The following TACC1 variants were observed in gnomAD, a reference collection of about 807,000 sequenced individuals.
TACC1 encodes transforming acidic coiled-coil-containing protein 1.
A neutral mutation model predicts 84.4 loss-of-function variants in TACC1; 48 were observed. The observed-to-expected ratio is 0.57, with a 90% CI of 0.45 to 0.72. The LOEUF is 0.72. TACC1 is among the 30% of genes least tolerant of loss of function. The probability of loss-of-function intolerance (pLI) is 0.00; values close to 1 mark genes in which losing one functional copy is unlikely to be tolerated. For synonymous variants in TACC1, 372 were observed against 376.3 expected (o/e 0.99, Z 0.13); for missense variants, 920 against 973.0 (o/e 0.95, Z 0.72).
intron 3 of TACC1, among the ~76,000 whole-genome samples, chr8:38,822,628 CTT>C (rs936631124): frequency 5.3e-5 from 8 of 152,254 alleles, no homozygotes; most frequent in Admixed American, 2.0e-4. Flanking sequence ...TGTAATAAAA[CTT>C]AGCTTAAAAC....
intron 2 of TACC1, among the ~76,000 whole-genome samples, chr8:38,796,291 T>C (rs1819956666): frequency 6.6e-6 from 1 of 152,226 alleles, no homozygotes; most frequent in Non-Finnish European, 1.5e-5. Context: ...GATCCAGAGC[T>C]CTTTGGAACA....
chr8:38,827,603 T>G, intron 5 of TACC1: 1 of 570,780 alleles, frequency 1.8e-6, no homozygotes, highest in Admixed American at 3.1e-5. Context: ...GAGATGCTGA[T>G]GTATGTGAGA....
At chr8:38,792,599 A>G (rs1437350311) in intron 2 of TACC1, among the ~76,000 whole-genome samples, 1 of 152,014 alleles carries the variant, frequency 6.6e-6, no homozygotes, top group South Asian at 2.1e-4. Context: ...CCAAGTAGCT[A>G]GGACCACAGG....
At chr8:38,828,236 C>T (rs975549125) in intron 5 of TACC1, among the ~76,000 whole-genome samples, 1 of 151,968 alleles carries the variant, frequency 6.6e-6, no homozygotes, top group Non-Finnish European at 1.5e-5. Context: ...AAGGTGTTAC[C>T]CTTTTCTCAC....
At chr8:38,748,217 A>AAG (rs1179387611) in intron 3 of TACC1, among the ~76,000 whole-genome samples, 1 of 152,158 alleles carries the variant, frequency 6.6e-6, no homozygotes, top group African/African-American at 2.4e-5. Flanking sequence ...ATAAAAGATA[A>AAG]AGAAGGGCAC....
intron 2 of TACC1, among the ~76,000 whole-genome samples, chr8:38,801,123 A>T (rs546340411): frequency 1.3e-5 from 2 of 152,282 alleles, no homozygotes; most frequent in African/African-American, 4.8e-5. Context: ...TCACTAAGTT[A>T]TATATTCTAG....
upstream of TACC1, among the ~76,000 whole-genome samples, chr8:38,784,977 T>G (rs1256557899): frequency 1.3e-5 from 2 of 152,198 alleles, no homozygotes; most frequent in Admixed American, 1.3e-4. Context: ...AATGCTGTCT[T>G]TCACTTTCAG....
chr8:38,742,355 A>T (rs1446480085), exon 2 of TACC1: 2 of 1,411,776 alleles, frequency 1.4e-6, no homozygotes, highest in Non-Finnish European at 1.9e-6. Flanking sequence ...TTCCAGTCCC[A>T]AGGGTTCCAA....
At chr8:38,784,155 A>C (rs1326918057), upstream of TACC1, among the ~76,000 whole-genome samples, 1 of 152,248 alleles carries the variant, frequency 6.6e-6, no homozygotes, top group Non-Finnish European at 1.5e-5. Flanking sequence ...GACTAGGAGC[A>C]GCAGACTGAG....
At position 38,835,527 on chromosome 8, in the gene TACC1, T is replaced by C. The variant is rs554514778; in HGVS notation, c.1714-635T>C. On this transcript the variant is annotated intron_variant, in intron 6 of 12. Transcript: ENST00000317827. ...TTGACTTATGTATGGCCATTTTGCA[T>C]ATGGGCAACAATGGCACACACCCAG... is the stretch of plus-strand genomic sequence containing the variant. 2.0e-5 allele frequency among the ~76,000 whole-genome samples: 3 copies of C among 152,294 alleles called. No individual in the cohort carries two copies. The South Asian group carries it at 6.2e-4, about 32-fold the overall frequency.
chr8:38,755,035 C>T (rs1046540940), intron 3 of TACC1, among the ~76,000 whole-genome samples: 3 of 152,028 alleles, frequency 2.0e-5, no homozygotes, highest in Non-Finnish European at 4.4e-5. Context: ...TGGTGCGCGC[C>T]TGTAGTCACA....
chr8:38,742,797 T>A (rs1162512053), intron 2 of TACC1, among the ~76,000 whole-genome samples: 2 of 152,138 alleles, frequency 1.3e-5, no homozygotes, highest in Non-Finnish European at 2.9e-5. Flanking sequence ...TCACTGCAAC[T>A]TTCGTCTCCC....
At chr8:38,838,904 T>A (rs982907593) in intron 8 of TACC1, among the ~76,000 whole-genome samples, 1 of 149,064 alleles carries the variant, frequency 6.7e-6, no homozygotes, top group African/African-American at 2.4e-5. Context: ...TAATACTACT[T>A]TTTTTTTTTT....
In TACC1 at chr8:38,796,463, A is replaced by C. The variant is rs1362860883; in HGVS notation, c.277+7644A>C. The stretch of plus-strand genomic sequence containing the variant: ...CTTAAGTATCCTGTCATGTGATAGT[A>C]GTTTAAAAAATCAAAAAATACATCT... On this transcript the variant is annotated intron_variant, in intron 2 of 12. Coordinates refer to ENST00000317827, the MANE Select transcript of TACC1 (RefSeq NM_006283.3). 4.6e-5 allele frequency among the ~76,000 whole-genome samples: 7 copies of C among 152,248 alleles called. 1 individual carries two copies. The highest frequency in any genetic ancestry group is 4.6e-4 in the Admixed American group (7 of 15,292).
chr8:38,733,842 G>A (rs1285994933), intron 1 of TACC1, among the ~76,000 whole-genome samples: 2 of 152,096 alleles, frequency 1.3e-5, no homozygotes, highest in Non-Finnish European at 2.9e-5. Flanking sequence ...GCATGGGCGT[G>A]TTTATAACAA....
chr8:38,731,767 C>CAACAACAACAACA (rs1172157673), intron 1 of TACC1, among the ~76,000 whole-genome samples: 2 of 151,480 alleles, frequency 1.3e-5, no homozygotes, highest in Admixed American at 6.6e-5. Context: ...ACAACAACAA[C>CAACAACAACAACA]AAAACTAGTC....
chr8:38,736,245 A>G (rs1190922330), intron 1 of TACC1, among the ~76,000 whole-genome samples: 1 of 152,216 alleles, frequency 6.6e-6, no homozygotes, highest in Non-Finnish European at 1.5e-5. Context: ...GAAATCCTTA[A>G]TTTCATCACA....
At chr8:38,779,283 C>CT (rs931998679) in intron 3 of TACC1, among the ~76,000 whole-genome samples, 5 of 152,268 alleles carry the variant, frequency 3.3e-5, no homozygotes, top group South Asian at 2.1e-4. Context: ...CTGAAATGCT[C>CT]TTTTTTTATG....
At chr8:38,730,016 T>A (rs918960466) in intron 1 of TACC1, among the ~76,000 whole-genome samples, 2 of 152,226 alleles carry the variant, frequency 1.3e-5, no homozygotes, top group African/African-American at 4.8e-5. Context: ...AGTAGCTCCA[T>A]CCTTACCTGA....
Sources: allele counts gnomAD v4.1 joint callset (sites outside exome capture counted in the v4.1 genomes callset), GRCh38; gene constraint gnomAD v4.1.1; transcripts MANE v1.5; gene names NCBI Gene and HGNC (gene_info 2026-07-23, HGNC 2026-07-21).